SLC36A3: variants seen among roughly 807,000 people sequenced by gnomAD.
SLC36A3 encodes proton-coupled amino acid transporter 3.
A neutral mutation model predicts 44.3 loss-of-function variants in SLC36A3; 35 were observed. That is an observed-to-expected ratio of 0.79 (90% CI 0.60 to 1.05). The LOEUF (loss-of-function observed/expected upper bound fraction) is 1.05. Ranked by LOEUF, SLC36A3 falls within the 50% of genes least tolerant of loss-of-function variation. The pLI, the probability that SLC36A3 is intolerant of heterozygous loss-of-function variation, is 0.00. For missense variants in SLC36A3, 540 were observed against 578.7 expected (o/e 0.93, Z 0.69); for synonymous variants, 211 against 227.6 (o/e 0.93, Z 0.66).
At chr5:151,294,404 G>T (rs1754884057) in intron 3 of SLC36A3, among the ~76,000 whole-genome samples, 2 of 152,148 alleles carry the variant, frequency 1.3e-5, no homozygotes, top group Non-Finnish European at 2.9e-5. Context: ...GTGATCTGGT[G>T]GGTGACAGGG....
intron 8 of SLC36A3, among the ~76,000 whole-genome samples, chr5:151,282,111 GTTTTTTTTTTTTTTT>G (rs70976011): frequency 1.8e-5 from 1 of 56,104 alleles, no homozygotes; most frequent in African/African-American, 6.8e-5. Context: ...CTTTTTCTTT[GTTTTTTTTTTTTTTT>G]TTTTTTTTTT....
At chr5:151,296,039 C>G (rs575957017) in intron 3 of SLC36A3, 141 bp downstream of exon 3, 2 of 763,206 alleles carry the variant, frequency 2.6e-6, no homozygotes, top group Non-Finnish European at 2.3e-6. Flanking sequence ...CTGTCATGCT[C>G]TCCTTGCCTT....
At chr5:151,302,432 G>A (rs1755191947) in intron 1 of SLC36A3, among the ~76,000 whole-genome samples, 1 of 152,170 alleles carries the variant, frequency 6.6e-6, no homozygotes, top group South Asian at 2.1e-4. Context: ...GGACATGGAT[G>A]GAGCCGGAAG....
At position 151,277,241 on chromosome 5, in the gene SLC36A3, G is replaced by T; in HGVS notation, c.*152C>A. ...GAGGTGTAGCCTGAGAGACATCAGT[G>T]CTAACTTTTCTCATCTGCATTTCTC... On this transcript the variant is annotated 3_prime_UTR_variant, in exon 10 of 10. Coordinates refer to ENST00000335230, the MANE Select transcript of SLC36A3 (RefSeq NM_181774.4). 9.2e-7 allele frequency: 1 copy of T among 1,081,434 alleles called. No homozygotes were observed. The highest frequency in any genetic ancestry group is 1.3e-6 in the Non-Finnish European group (1 of 762,476). The allele number at this position is 1,081,434 out of a possible 1,614,324, so 67.0% of individuals were successfully genotyped here. A position where few individuals can be genotyped will look rare whatever the true frequency, so the allele number is the denominator to read the frequency against.
chr5:151,302,012 A>G (rs1250411623), intron 1 of SLC36A3, among the ~76,000 whole-genome samples: 1 of 152,262 alleles, frequency 6.6e-6, no homozygotes, highest in African/African-American at 2.4e-5. Flanking sequence ...TACTTACAGT[A>G]CAAAATTCAA....
At chr5:151,280,142 A>C (rs549647221) in intron 9 of SLC36A3, among the ~76,000 whole-genome samples, 5 of 149,862 alleles carry the variant, frequency 3.3e-5, no homozygotes, top group African/African-American at 1.3e-4. Context: ...AAGGGAGGGA[A>C]GAGAGAAGAG....
intron 8 of SLC36A3, 142 bp from the exon 9 acceptor site, chr5:151,281,325 C>A (rs1754307450): frequency 1.3e-6 from 1 of 749,138 alleles, no homozygotes; most frequent in African/African-American, 1.8e-5. Context: ...ATCCAAAACA[C>A]TTCTGGTCCC....
intron 8 of SLC36A3, among the ~76,000 whole-genome samples, chr5:151,281,488 C>T (rs1754312756): frequency 6.6e-6 from 1 of 152,154 alleles, no homozygotes; most frequent in African/African-American, 2.4e-5. Flanking sequence ...AGTAGGCCTG[C>T]AGCTCAGGAA....
chr5:151,301,336 A>G (rs1475884983), intron 1 of SLC36A3, among the ~76,000 whole-genome samples: 1 of 152,204 alleles, frequency 6.6e-6, no homozygotes, highest in Non-Finnish European at 1.5e-5. Context: ...CTCTGGCTCC[A>G]GGAGTCTAAA....
chr5:151,288,396 TTGTC>T lies in SLC36A3; in HGVS notation c.475_478del (p.Asp159IlefsTer11). On this transcript the variant is annotated frameshift_variant, in exon 5 of 10. Coordinates refer to ENST00000335230, the MANE Select transcript of SLC36A3 (RefSeq NM_181774.4). LOFTEE classifies it high-confidence loss of function. ...AAGAGGGCTCTTTACCTGTTGTAAA[TTGTC>T]TGCCATAAACATAAAATAAACACTG... 6.2e-7 allele frequency: 1 copy of T among 1,601,444 alleles called. No homozygotes were observed. Among genetic ancestry groups the T allele is most frequent in the East Asian group, 2.3e-5 (1 of 44,200 alleles).
chr5:151,299,516 G>C (rs1755102070), intron 1 of SLC36A3, among the ~76,000 whole-genome samples: 1 of 151,886 alleles, frequency 6.6e-6, no homozygotes, highest in Non-Finnish European at 1.5e-5. Flanking sequence ...CTAGGGCCTA[G>C]GGTTCTAAAT....
At chr5:151,278,725 C>T (rs1754196498) in intron 9 of SLC36A3, among the ~76,000 whole-genome samples, 1 of 152,226 alleles carries the variant, frequency 6.6e-6, no homozygotes, top group Non-Finnish European at 1.5e-5. Context: ...AAGAGAGACT[C>T]ATAGACTCTC....
At chr5:151,294,934 C>T (rs1267863740) in intron 3 of SLC36A3, among the ~76,000 whole-genome samples, 2 of 152,094 alleles carry the variant, frequency 1.3e-5, no homozygotes, top group East Asian at 3.9e-4. Flanking sequence ...CGGCCGAAAT[C>T]TCCAGGGTTT....
At chr5:151,287,137 G>A in intron 6 of SLC36A3, 109 bp downstream of exon 6, 1 of 1,099,068 alleles carries the variant, frequency 9.1e-7, no homozygotes, top group Non-Finnish European at 1.3e-6. Flanking sequence ...GCTGCTCAGA[G>A]CAGAGGATCA....
At chr5:151,287,495 G>T (rs746237919) in intron 5 of SLC36A3, 31 bp from the exon 6 acceptor site, 14 of 1,599,020 alleles carry the variant, frequency 8.8e-6, no homozygotes, top group Non-Finnish European at 1.0e-5. Context: ...AGGCAGTGTG[G>T]TTGCTACGTA....
intron 3 of SLC36A3, among the ~76,000 whole-genome samples, chr5:151,293,814 C>T (rs1754851220): frequency 6.6e-6 from 1 of 152,176 alleles, no homozygotes; most frequent in Non-Finnish European, 1.5e-5. Flanking sequence ...GTGATTCCCT[C>T]CTTCCCATTG....
chr5:151,287,949 A>G (rs964466831), intron 5 of SLC36A3, among the ~76,000 whole-genome samples: 1 of 152,196 alleles, frequency 6.6e-6, no homozygotes, highest in Non-Finnish European at 1.5e-5. Context: ...GTGCGCAAAA[A>G]CAAGGATGCT....
In SLC36A3 at chr5:151,276,476, T is replaced by A. The variant is rs918091312; in HGVS notation, c.*917A>T. The stretch of plus-strand genomic sequence containing the variant: ...AGGAATATTCCATTGTATGGCTACA[T>A]CACAATTTATTTATCCATTCTCTTG... On this transcript the variant is annotated 3_prime_UTR_variant, in exon 10 of 10. Transcript: ENST00000335230. Among the ~76,000 whole-genome samples, 1 of 152,274 alleles carries A rather than the reference T, an allele frequency of 6.6e-6. No individual in the cohort carries two copies. Among genetic ancestry groups the A allele is most frequent in the Non-Finnish European group, 1.5e-5 (1 of 68,044 alleles).
At chr5:151,283,467 T>C (rs1445336359) in intron 8 of SLC36A3, among the ~76,000 whole-genome samples, 3 of 152,162 alleles carry the variant, frequency 2.0e-5, no homozygotes, top group African/African-American at 7.2e-5. Flanking sequence ...CAGCCCAAAT[T>C]GCCCAGAACA....
Sources: gnomAD v4.1 joint callset for allele counts (sites outside exome capture counted in the v4.1 genomes callset) on GRCh38, gnomAD v4.1.1 for gene constraint, MANE v1.5 for transcripts, NCBI Gene and HGNC (gene_info 2026-07-23, HGNC 2026-07-21) for gene names.